Variants in DCC observed in about 807,000 individuals in gnomAD.
The protein encoded by DCC is DCC netrin 1 receptor.
DCC carries 58 observed loss-of-function variants against 172.5 expected under a neutral mutation model. That is an observed-to-expected ratio of 0.34 (90% CI 0.27 to 0.42). The LOEUF (loss-of-function observed/expected upper bound fraction) is 0.42, where lower values mean the gene tolerates loss of function less well. Ranked by LOEUF, DCC falls within the 10% of genes least tolerant of loss-of-function variation. The pLI, the probability that DCC is intolerant of heterozygous loss-of-function variation, is 1.00. For synonymous variants in DCC, 709 were observed against 644.5 expected, an observed-to-expected ratio of 1.10 and a Z score of -1.52; for missense variants, 1,740 against 1,791.0, an observed-to-expected ratio of 0.97 and a Z score of 0.51.
chr18:52,388,180 G>T (rs992854992), intron 1 of DCC, among the ~76,000 whole-genome samples: 4 of 152,040 alleles, frequency 2.6e-5, no homozygotes, highest in Admixed American at 6.6e-5. Context: ...TTCATGTTAG[G>T]TGTGACGTTC....
At chr18:53,091,049 C>T (rs1243528363) in intron 7 of DCC, among the ~76,000 whole-genome samples, 1 of 151,914 alleles carries the variant, frequency 6.6e-6, no homozygotes, top group Admixed American at 6.6e-5. Flanking sequence ...AACCAGTAAT[C>T]GATTTCCCAA....
At chr18:52,379,565 CCTAG>C (rs1434077053) in intron 1 of DCC, among the ~76,000 whole-genome samples, 2 of 152,162 alleles carry the variant, frequency 1.3e-5, no homozygotes, top group East Asian at 3.9e-4. Context: ...AATTCACTTT[CCTAG>C]CTGCAAAGAG....
At chr18:53,379,995 T>C (rs1907592545) in intron 15 of DCC, among the ~76,000 whole-genome samples, 1 of 152,190 alleles carries the variant, frequency 6.6e-6, no homozygotes, top group South Asian at 2.1e-4. Context: ...AGGCAACTGA[T>C]AAATTTTTAA....
In DCC at chr18:52,479,036, C is replaced by A. The variant is rs1989176217; in HGVS notation, c.91+138158C>A. 1.3e-5 allele frequency among the ~76,000 whole-genome samples: 2 copies of A among 152,118 alleles called. 1 individual carries two copies. The highest frequency in any genetic ancestry group is 4.1e-4 in the South Asian group (2 of 4,820). On this transcript the variant is annotated intron_variant, in intron 1 of 28. Coordinates refer to ENST00000442544, the MANE Select transcript of DCC (RefSeq NM_005215.4). ...CAATTGCTAAAAAGTTCACCTTTACCACCTGAGAGGTATTATCTTTGGACA... is the reference window on the plus strand; with the variant it reads ...CAATTGCTAAAAAGTTCACCTTTACAACCTGAGAGGTATTATCTTTGGACA...
intron 7 of DCC, among the ~76,000 whole-genome samples, chr18:53,122,698 C>T (rs779360180): frequency 4.9e-4 from 75 of 152,082 alleles, no homozygotes; most frequent in Non-Finnish European, 9.7e-4. Flanking sequence ...GTGGTCTGAC[C>T]TGAAAGAGTG....
At chr18:53,206,679 A>T (rs936607835) in intron 10 of DCC, among the ~76,000 whole-genome samples, 2 of 147,882 alleles carry the variant, frequency 1.4e-5, no homozygotes, top group Admixed American at 6.9e-5. Flanking sequence ...ATGCATATAT[A>T]TATGTATGAC....
intron 5 of DCC, among the ~76,000 whole-genome samples, chr18:53,054,521 T>C (rs935036819): frequency 6.6e-6 from 1 of 152,098 alleles, no homozygotes; most frequent in African/African-American, 2.4e-5. Flanking sequence ...GACCCAGAGA[T>C]AATCCTCCCA....
chr18:52,636,946 G>T (rs976299022), intron 1 of DCC, among the ~76,000 whole-genome samples: 1 of 152,114 alleles, frequency 6.6e-6, no homozygotes, highest in Non-Finnish European at 1.5e-5. Context: ...ACCGGAACAG[G>T]CACTGGTTCC....
chr18:52,962,812 G>A (rs2040864407), intron 5 of DCC, among the ~76,000 whole-genome samples: 1 of 151,922 alleles, frequency 6.6e-6, no homozygotes, highest in African/African-American at 2.4e-5. Flanking sequence ...GTAGGGACAT[G>A]GATGAAATTG....
chr18:52,579,549 T>TGC (rs1491189406), intron 1 of DCC, among the ~76,000 whole-genome samples: 1 of 152,194 alleles, frequency 6.6e-6, no homozygotes, highest in African/African-American at 2.4e-5. Flanking sequence ...TGTGTGTGTG[T>TGC]GCTTCTGCAT....
rs1377649231 is a variant in DCC at position 53,128,864 on chromosome 18, CACACACATATATATATATATATATAT to C, written c.1262-28490_1262-28465del. Among the ~76,000 whole-genome samples, 73 of 72,110 alleles carry C rather than the reference CACACACATATATATATATATATATAT, an allele frequency of 1.0e-3. 1 individual carries two copies. Among genetic ancestry groups the C allele is most frequent in the African/African-American group, 4.2e-3 (62 of 14,650 alleles). 47.3% of individuals were successfully genotyped at this position (72,110 alleles called of 152,430 possible). On this transcript the variant is annotated intron_variant, in intron 7 of 28. Coordinates refer to ENST00000442544, the MANE Select transcript of DCC (RefSeq NM_005215.4). Reference sequence around the variant, plus strand: ...ACACACACACACACACACACACACACACACACATATATATATATATATATATATATATATATATATTATTTGGAGTC... The same window carrying C: ...ACACACACACACACACACACACACACATATATATATATATTATTTGGAGTC...
intron 1 of DCC, among the ~76,000 whole-genome samples, chr18:52,729,272 A>G: frequency 6.6e-6 from 1 of 151,964 alleles, no homozygotes; most frequent in Non-Finnish European, 1.5e-5. Context: ...ATTTTTATTT[A>G]TTTGAGACAG....
chr18:53,000,217 G>A (rs1020433506), intron 5 of DCC, among the ~76,000 whole-genome samples: 10 of 151,970 alleles, frequency 6.6e-5, no homozygotes, highest in African/African-American at 2.4e-4. Flanking sequence ...TACCTGAAAG[G>A]CTTAATCAGT....
At chr18:53,435,311 C>T (rs887514958) in intron 22 of DCC, 102 bp downstream of exon 22, 4 of 784,752 alleles carry the variant, frequency 5.1e-6, no homozygotes, top group Non-Finnish European at 8.9e-6. Flanking sequence ...GTGCCAGGAA[C>T]CTTGGATTTA....
At chr18:52,513,816 C>T (rs1478119477) in intron 1 of DCC, among the ~76,000 whole-genome samples, 1 of 152,128 alleles carries the variant, frequency 6.6e-6, no homozygotes, top group Non-Finnish European at 1.5e-5. Flanking sequence ...AACAGATGTC[C>T]AGCAAAAGTT....
At chr18:52,598,291 T>A (rs983148471) in intron 1 of DCC, among the ~76,000 whole-genome samples, 6 of 152,140 alleles carry the variant, frequency 3.9e-5, no homozygotes, top group African/African-American at 1.4e-4. Context: ...GTATGAGAGC[T>A]AAGGAAGCAA....
chr18:53,382,104 A>ACACACACACACACACAC (rs770734401), intron 15 of DCC, among the ~76,000 whole-genome samples: 219 of 52,918 alleles, frequency 4.1e-3, no homozygotes, highest in African/African-American at 8.8e-3. Context: ...ACACACACAC[A>ACACACACACACACACAC]CCCCTACCTC....
At chr18:52,489,352 A>G (rs1406358318) in intron 1 of DCC, among the ~76,000 whole-genome samples, 1 of 152,124 alleles carries the variant, frequency 6.6e-6, no homozygotes, top group Non-Finnish European at 1.5e-5. Flanking sequence ...GTTTTCTACA[A>G]TTATTATTAC....
chr18:53,045,182 G>C (rs2042220771), intron 5 of DCC, among the ~76,000 whole-genome samples: 1 of 151,818 alleles, frequency 6.6e-6, no homozygotes. Context: ...AAATACTTTA[G>C]AGAATGAGAA....
Sources: gnomAD v4.1 joint callset for allele counts (sites outside exome capture counted in the v4.1 genomes callset) on GRCh38, gnomAD v4.1.1 for gene constraint, MANE v1.5 for transcripts, NCBI Gene and HGNC (gene_info 2026-07-23, HGNC 2026-07-21) for gene names.